Variants in RFX7 observed in about 807,000 individuals in gnomAD.
The protein encoded by RFX7 is DNA-binding protein RFX7.
RFX7 carries 26 observed loss-of-function variants against 111.8 expected under a neutral mutation model. The observed-to-expected ratio is 0.23, with a 90% confidence interval of 0.17 to 0.32. The LOEUF is 0.32. Among genes scored for constraint, RFX7 ranks in the 10% least tolerant of loss-of-function variants. The pLI is 1.00. For synonymous variants in RFX7, 624 were observed against 624.4 expected (o/e 1.00, Z 0.01); for missense variants, 1,573 against 1,772.9 (o/e 0.89, Z 2.02).
In RFX7 at chr15:56,185,235, T is replaced by C. The variant is rs145978500; in HGVS notation, c.162-5932A>G. 3.8e-3 allele frequency among the ~76,000 whole-genome samples: 586 copies of C among 152,318 alleles called. 3 individuals carry two copies. The highest frequency in any genetic ancestry group is 6.4e-3 in the Non-Finnish European group (433 of 68,018). On this transcript the variant is annotated intron_variant, in intron 2 of 9. Transcript: ENST00000559447. ...TCCATGTATATGTATGTATTTTATT[T>C]TTAAACTATCTACTACTCACCAATT...
intron 3 of RFX7, among the ~76,000 whole-genome samples, chr15:56,176,970 T>C (rs2042910057): frequency 6.6e-6 from 1 of 152,020 alleles, no homozygotes; most frequent in South Asian, 2.1e-4. Context: ...CACTATTCTC[T>C]GCATAAAATC....
At chr15:56,139,783 G>T (rs1321942742) in intron 5 of RFX7, among the ~76,000 whole-genome samples, 2 of 151,976 alleles carry the variant, frequency 1.3e-5, no homozygotes, top group Non-Finnish European at 2.9e-5. Context: ...GTGATGTACA[G>T]ATGGGTTTTT....
chr15:56,153,264 A>C (rs2042600750), intron 3 of RFX7, among the ~76,000 whole-genome samples: 2 of 152,194 alleles, frequency 1.3e-5, no homozygotes, highest in Non-Finnish European at 2.9e-5. Context: ...CGAAAAAAGA[A>C]AATTTCAGGC....
chr15:56,125,230 A>G (rs1186731969), intron 5 of RFX7, among the ~76,000 whole-genome samples: 1 of 152,170 alleles, frequency 6.6e-6, no homozygotes, highest in Non-Finnish European at 1.5e-5. Flanking sequence ...TTTATGCCAG[A>G]ACCATGCTGT....
At chr15:56,187,687 A>G (rs1356836372) in intron 2 of RFX7, among the ~76,000 whole-genome samples, 1 of 152,206 alleles carries the variant, frequency 6.6e-6, no homozygotes, top group African/African-American at 2.4e-5. Flanking sequence ...TATTTGAATG[A>G]CCCTAGTTTG....
rs560535244 is a variant in RFX7 at position 56,222,300 on chromosome 15, C to T, written c.161+20825G>A. ...CCCCTCTAGCTGTCTTTAAGATGCT[C>T]TCTTTATTTTTAGTTTTAAGTAATT... On this transcript the variant is annotated intron_variant, in intron 2 of 9. Coordinates refer to ENST00000559447, the MANE Select transcript of RFX7 (RefSeq NM_022841.7). 3.3e-5 allele frequency among the ~76,000 whole-genome samples: 5 copies of T among 152,188 alleles called. No individual in the cohort carries two copies. The South Asian group carries it at 1.0e-3, about 32-fold the overall frequency.
At chr15:56,233,669 T>C (rs1417702605) in intron 2 of RFX7, among the ~76,000 whole-genome samples, 1 of 152,122 alleles carries the variant, frequency 6.6e-6, no homozygotes, top group Non-Finnish European at 1.5e-5. Flanking sequence ...GAAATGAAAG[T>C]AAATGAAATG....
At chr15:56,134,592 CTTTCT>C (rs1471069775) in intron 5 of RFX7, among the ~76,000 whole-genome samples, 2 of 91,538 alleles carry the variant, frequency 2.2e-5, no homozygotes, top group South Asian at 4.6e-4. Context: ...ATCTAAATCA[CTTTCT>C]TTTTTTTTTT....
chr15:56,228,443 A>C (rs545724237), intron 2 of RFX7, among the ~76,000 whole-genome samples: 1 of 152,256 alleles, frequency 6.6e-6, no homozygotes, highest in South Asian at 2.1e-4. Flanking sequence ...TGAAGCAGCA[A>C]ACCAAGCATC....
intron 2 of RFX7, among the ~76,000 whole-genome samples, chr15:56,216,775 A>G (rs1196389679): frequency 6.6e-6 from 1 of 152,164 alleles, no homozygotes; most frequent in African/African-American, 2.4e-5. Context: ...GAATCTTTTC[A>G]TTATCATCAA....
intron 2 of RFX7, among the ~76,000 whole-genome samples, chr15:56,195,625 C>T (rs1006732071): frequency 1.3e-5 from 2 of 152,088 alleles, no homozygotes; most frequent in Non-Finnish European, 2.9e-5. Flanking sequence ...TGTTTCTCAA[C>T]CAGGTACTGA....
intron 5 of RFX7, among the ~76,000 whole-genome samples, chr15:56,109,859 C>T (rs372025784): frequency 0.07 from 10,639 of 151,796 alleles, 443 homozygotes; most frequent in Non-Finnish European, 0.1. Flanking sequence ...GCAGCCACCC[C>T]GTCTGGGAAG....
rs777942315 is a variant in RFX7 at position 56,095,291 on chromosome 15, T to A, written c.2437A>T (p.Ile813Phe). 1 of 1,613,986 alleles carries A rather than the reference T, an allele frequency of 6.2e-7. No individual in the cohort carries two copies. The highest frequency in any genetic ancestry group is 8.5e-7 in the Non-Finnish European group (1 of 1,179,856). ...CAAACAGATTTCTCTAAGTCATTGA[T>A]ATCAGAGTGCTCAGGAATTGTCATA... Reference protein sequence around the residue: ...SVMTIPEHSDINDLEKSVWEL... With the variant: ...SVMTIPEHSDFNDLEKSVWEL... The change falls in exon 10 of 10, where the codon ATC (isoleucine) becomes TTC (phenylalanine). Residue 813 changes from isoleucine to phenylalanine, a missense_variant. By Grantham distance (21) the Ile-to-Phe change is conservative (BLOSUM62 0). Transcript: ENST00000559447.
Position 56,096,151 on chromosome 15 carries a change from C to A in RFX7, c.1577G>T (p.Ser526Ile). 1.2e-6 allele frequency: 2 copies of A among 1,613,906 alleles called. 1 individual carries two copies. Among genetic ancestry groups the A allele is most frequent in the South Asian group, 2.2e-5 (2 of 91,076 alleles). The change falls in exon 10 of 10, where the codon AGC (serine) becomes ATC (isoleucine). Residue 526 changes from serine (S) to isoleucine (I), a missense_variant. Ser to Ile is a moderately radical substitution (Grantham distance 142). Coordinates refer to ENST00000559447, the MANE Select transcript of RFX7 (RefSeq NM_022841.7). ...VVSLQSPGSR[S>I]SSAGGTSAVE... ...AGCAGATGTTCCCCCCGCACTGCTG[C>A]TCCTGGACCCAGGAGACTGAAGCGA...
intron 3 of RFX7, among the ~76,000 whole-genome samples, chr15:56,152,411 GTACAAA>G (rs1308269144): frequency 6.6e-6 from 1 of 151,962 alleles, no homozygotes; most frequent in Non-Finnish European, 1.5e-5. Flanking sequence ...ACCCCAATCC[GTACAAA>G]TACATGGAAA....
chr15:56,163,217 A>G (rs1258672030), intron 3 of RFX7, among the ~76,000 whole-genome samples: 1 of 152,100 alleles, frequency 6.6e-6, no homozygotes, highest in Non-Finnish European at 1.5e-5. Flanking sequence ...CATACTCCAC[A>G]CATCCATAAC....
intron 2 of RFX7, among the ~76,000 whole-genome samples, chr15:56,221,697 C>A (rs1403556132): frequency 6.6e-6 from 1 of 151,962 alleles, no homozygotes; most frequent in Non-Finnish European, 1.5e-5. Context: ...TTTACCTGTA[C>A]CACTTTGACA....
intron 5 of RFX7, among the ~76,000 whole-genome samples, chr15:56,134,628 T>C: frequency 6.6e-6 from 1 of 150,480 alleles, no homozygotes; most frequent in South Asian, 2.1e-4. Flanking sequence ...CTTTTTTTTT[T>C]TTTATTATAC....
chr15:56,222,296 T>C (rs1397322204), intron 2 of RFX7, among the ~76,000 whole-genome samples: 1 of 152,206 alleles, frequency 6.6e-6, no homozygotes, highest in Non-Finnish European at 1.5e-5. Context: ...GTCTTTAAGA[T>C]GCTCTCTTTA....
Sources: allele counts gnomAD v4.1 joint callset (sites outside exome capture counted in the v4.1 genomes callset), GRCh38; gene constraint gnomAD v4.1.1; transcripts MANE v1.5; gene names NCBI Gene and HGNC (gene_info 2026-07-23, HGNC 2026-07-21).